Variants in ALMS1 observed in about 807,000 individuals in gnomAD.
ALMS1 encodes the protein ALMS1 centrosome and basal body associated protein.
In ALMS1, 271 loss-of-function variants were observed where a neutral mutation model predicts 352.2. The ratio of observed to expected loss-of-function variants is 0.77; its 90% CI spans 0.70 to 0.85. The LOEUF (loss-of-function observed/expected upper bound fraction) is 0.85. ALMS1 is among the 40% of genes least tolerant of loss of function. The probability of loss-of-function intolerance (pLI) is 0.00; values close to 1 mark genes in which losing one functional copy is unlikely to be tolerated. For synonymous variants in ALMS1, 1,865 were observed against 1,761.2 expected (o/e 1.06, Z -1.48); for missense variants, 5,445 against 4,870.7 (o/e 1.12, Z -3.51).
intron 7 of ALMS1, among the ~76,000 whole-genome samples, chr2:73,447,517 C>A (rs1010552213): frequency 9.9e-5 from 15 of 152,056 alleles, no homozygotes; most frequent in Non-Finnish European, 1.8e-4. Context: ...GCAGGAGGAA[C>A]CCGTGAAAAT....
chr2:73,547,544 T>C (rs1674347623), intron 12 of ALMS1, among the ~76,000 whole-genome samples: 1 of 152,206 alleles, frequency 6.6e-6, no homozygotes, highest in East Asian at 1.9e-4. Flanking sequence ...TGGGGCTTAG[T>C]GCAGGAGCTC....
intron 15 of ALMS1, among the ~76,000 whole-genome samples, chr2:73,562,744 G>T (rs1040818956): frequency 1.3e-5 from 2 of 151,792 alleles, no homozygotes; most frequent in Admixed American, 6.6e-5. Context: ...AAAATTAGCC[G>T]GGCATGGTGG....
At chr2:73,476,877 G>A (rs1022095049) in intron 9 of ALMS1, among the ~76,000 whole-genome samples, 2 of 152,066 alleles carry the variant, frequency 1.3e-5, no homozygotes, top group African/African-American at 2.4e-5. Flanking sequence ...AAACTGACCT[G>A]TAAGTGAAGT....
At chr2:73,524,325 A>G (rs1043573310) in intron 11 of ALMS1, among the ~76,000 whole-genome samples, 7 of 152,204 alleles carry the variant, frequency 4.6e-5, no homozygotes, top group African/African-American at 1.7e-4. Flanking sequence ...TATGAGGTAC[A>G]TGAGCTATTT....
chr2:73,474,206 C>G (rs934216066), intron 9 of ALMS1, among the ~76,000 whole-genome samples: 1 of 151,450 alleles, frequency 6.6e-6, no homozygotes, highest in African/African-American at 2.4e-5. Flanking sequence ...CAAAGTTATT[C>G]CTGCCGTAAA....
intron 2 of ALMS1, among the ~76,000 whole-genome samples, chr2:73,415,595 A>G (rs1049938328): frequency 3.3e-5 from 5 of 152,202 alleles, no homozygotes; most frequent in East Asian, 1.9e-4. Context: ...GGAGCGTTCA[A>G]TAGTTCTGAG....
In ALMS1 at chr2:73,573,264, A is replaced by G. The variant is rs780775050; in HGVS notation, c.11387A>G (p.His3796Arg). 30 of 1,613,884 alleles carry G rather than the reference A, an allele frequency of 1.9e-5. No homozygotes were observed. The highest frequency in any genetic ancestry group is 2.5e-5 in the Non-Finnish European group (29 of 1,179,890). ...GCCCGGCTGATTCAAGCTTTTGGCC[A>G]TGAAAGAGTATGCTTGTCACCCAGA... Reference protein sequence around the residue: ...DTARLIQAFGHERVCLSPRRI... With the variant: ...DTARLIQAFGRERVCLSPRRI... Residue 3796 changes from histidine to arginine, a missense_variant, in exon 16 of 23, where the codon CAT (histidine) becomes CGT (arginine). Coordinates refer to ENST00000613296, the MANE Select transcript of ALMS1 (RefSeq NM_001378454.1).
At chr2:73,443,628 G>A (rs184679783) in intron 7 of ALMS1, among the ~76,000 whole-genome samples, 1 of 148,420 alleles carries the variant, frequency 6.7e-6, no homozygotes, top group Admixed American at 6.7e-5. Context: ...GCTCTTTGAG[G>A]GTAGAGCTCG....
rs775711373 is a variant in ALMS1 at position 73,491,315 on chromosome 2, C to G, written c.9356C>G (p.Pro3119Arg). ...QDQESLGFLGPKSSLDFQVVQ... is the reference protein window; with the variant it reads ...QDQESLGFLGRKSSLDFQVVQ... The stretch of plus-strand genomic sequence containing the variant: ...CAAGAATCTTTAGGTTTTCTAGGAC[C>G]TAAATCTTCACTGGATTTCCAAGTC... Residue 3119 changes from proline (P) to arginine (R), a missense_variant, in exon 10 of 23, where the codon CCT becomes CGT. Coordinates refer to ENST00000613296, the MANE Select transcript of ALMS1 (RefSeq NM_001378454.1). 10 of 1,614,036 alleles carry G rather than the reference C, an allele frequency of 6.2e-6. No individual in the cohort carries two copies. The highest frequency in any genetic ancestry group is 8.5e-6 in the Non-Finnish European group (10 of 1,180,020).
Position 73,609,663 on chromosome 2 carries a change from G to C in ALMS1, c.*51G>C. The C allele has an allele frequency of 6.4e-7, 1 of 1,554,382 alleles. No individual in the cohort carries two copies. Among genetic ancestry groups the C allele is most frequent in the African/African-American group, 1.4e-5 (1 of 73,748 alleles). The stretch of plus-strand genomic sequence containing the variant: ...TGGAATTCTATTTTATGAACCTAGA[G>C]AAGCAGAATCCTTACTTTTGTGAGT... On this transcript the variant is annotated 3_prime_UTR_variant, in exon 23 of 23. Coordinates refer to ENST00000613296, the MANE Select transcript of ALMS1 (RefSeq NM_001378454.1).
intron 10 of ALMS1, among the ~76,000 whole-genome samples, chr2:73,517,442 C>T (rs1056210660): frequency 6.6e-6 from 1 of 150,976 alleles, no homozygotes; most frequent in African/African-American, 2.4e-5. Flanking sequence ...TAGAGACGAT[C>T]TTGCTGCATT....
intron 16 of ALMS1, among the ~76,000 whole-genome samples, chr2:73,582,374 TG>T (rs1339806776): frequency 1.3e-5 from 2 of 152,332 alleles, no homozygotes; most frequent in East Asian, 3.9e-4. Flanking sequence ...TTCTTGTGCG[TG>T]GTAAAAAACA....
chr2:73,504,431 C>T (rs1673279315), intron 10 of ALMS1, among the ~76,000 whole-genome samples: 1 of 152,198 alleles, frequency 6.6e-6, no homozygotes, highest in African/African-American at 2.4e-5. Context: ...AGCCAGCCTT[C>T]TTTAACCCCT....
intron 15 of ALMS1, among the ~76,000 whole-genome samples, chr2:73,564,674 T>C (rs965951199): frequency 6.6e-6 from 1 of 152,126 alleles, no homozygotes. Context: ...GACCATTAAG[T>C]TGGGGACATA....
chr2:73,504,975 T>G (rs2103928034), intron 10 of ALMS1, among the ~76,000 whole-genome samples: 1 of 152,286 alleles, frequency 6.6e-6, no homozygotes, highest in South Asian at 2.1e-4. Flanking sequence ...CATGGAGTGT[T>G]TGGTTTTCTA....
intron 9 of ALMS1, among the ~76,000 whole-genome samples, chr2:73,484,886 A>G (rs929210929): frequency 1.3e-5 from 2 of 152,074 alleles, no homozygotes; most frequent in Non-Finnish European, 2.9e-5. Flanking sequence ...AGGCTTCTGC[A>G]TTCTTCACAT....
At chr2:73,556,193 A>G (rs1444994660) in intron 13 of ALMS1, among the ~76,000 whole-genome samples, 1 of 152,198 alleles carries the variant, frequency 6.6e-6, no homozygotes, top group East Asian at 1.9e-4. Context: ...TAACATTAAA[A>G]CATTTTTTAA....
chr2:73,602,309 T>C lies in ALMS1; in HGVS notation c.12239T>C (p.Phe4080Ser). ...TTACAGACCGAGCGGGATGCACTAT[T>C]CAACATTGACAGGGAACGGCAGGGC... The part of the protein sequence containing the change: ...SMLQTERDAL[F>S]NIDRERQGHQ... Residue 4080 changes from phenylalanine (F) to serine (S), a missense_variant, in exon 20 of 23, where the codon TTC (phenylalanine) becomes TCC (serine). Coordinates refer to ENST00000613296, the MANE Select transcript of ALMS1 (RefSeq NM_001378454.1). The C allele has an allele frequency of 6.2e-7, 1 of 1,614,230 alleles. No homozygotes were observed. Among genetic ancestry groups the C allele is most frequent in the Non-Finnish European group, 8.5e-7 (1 of 1,180,030 alleles).
chr2:73,436,146 G>T (rs1293480415), intron 7 of ALMS1, among the ~76,000 whole-genome samples: 8 of 152,210 alleles, frequency 5.3e-5, no homozygotes, highest in Non-Finnish European at 8.8e-5. Flanking sequence ...AGATAGTTTT[G>T]CTGGGCTTGG....
Sources: gnomAD v4.1 joint callset for allele counts (sites outside exome capture counted in the v4.1 genomes callset) on GRCh38, gnomAD v4.1.1 for gene constraint, MANE v1.5 for transcripts, NCBI Gene and HGNC (gene_info 2026-07-23, HGNC 2026-07-21) for gene names.